GNB4: variants seen among roughly 807,000 people sequenced by gnomAD.
GNB4 encodes the protein guanine nucleotide-binding protein subunit beta-4.
GNB4 carries 28 observed loss-of-function variants against 45.2 expected under a neutral mutation model. The observed-to-expected ratio is 0.62, with a 90% confidence interval of 0.46 to 0.85. The LOEUF is 0.85. Among genes scored for constraint, GNB4 ranks in the 40% least tolerant of loss-of-function variants. The pLI is 0.00. For synonymous variants in GNB4, 132 were observed against 143.7 expected (o/e 0.92, Z 0.58); for missense variants, 321 against 425.4 (o/e 0.75, Z 2.16).
the GNB4 span, among the ~76,000 whole-genome samples, chr3:179,517,307 C>G: frequency 3.7e-3 from 570 of 152,218 alleles, 6 homozygotes; most frequent in African/African-American, 0.013. Context: ...AGAGAACAAC[C>G]CCCCTTTGAC....
intron 2 of GNB4, among the ~76,000 whole-genome samples, chr3:179,424,229 A>C (rs936072109): frequency 6.6e-6 from 1 of 152,218 alleles, no homozygotes; most frequent in African/African-American, 2.4e-5. Flanking sequence ...GTGAGGATTA[A>C]ATGAGATAGG....
chr3:179,471,325 T>C, the GNB4 span, among the ~76,000 whole-genome samples: 2 of 152,216 alleles, frequency 1.3e-5, no homozygotes, highest in Admixed American at 1.3e-4. Flanking sequence ...TCACATTCAC[T>C]CACCACTCAC....
At chr3:179,508,932 G>GTGTATATATATATATATATATATATA in the GNB4 span, among the ~76,000 whole-genome samples, 3 of 102,142 alleles carry the variant, frequency 2.9e-5, no homozygotes, top group African/African-American at 1.4e-4. Context: ...TTCAGCATGT[G>GTGTATATATATATATATATATATATA]TATATATATA....
intron 1 of GNB4, among the ~76,000 whole-genome samples, chr3:179,431,615 A>G (rs1715313145): frequency 6.6e-6 from 1 of 151,336 alleles, no homozygotes; most frequent in Non-Finnish European, 1.5e-5. Flanking sequence ...CAATCTGTTT[A>G]CTTCTTATGG....
chr3:179,495,633 G>A, the GNB4 span, among the ~76,000 whole-genome samples: 1 of 150,524 alleles, frequency 6.6e-6, no homozygotes, highest in African/African-American at 2.4e-5. Flanking sequence ...AAAGGAGGCA[G>A]GGAGGCAGGG....
At chr3:179,470,281 T>A in the GNB4 span, among the ~76,000 whole-genome samples, 1 of 152,110 alleles carries the variant, frequency 6.6e-6, no homozygotes, top group Non-Finnish European at 1.5e-5. Flanking sequence ...CAGGAGGTAT[T>A]CCAGAAGAAA....
At chr3:179,503,101 T>C in the GNB4 span, among the ~76,000 whole-genome samples, 1 of 152,246 alleles carries the variant, frequency 6.6e-6, no homozygotes, top group Admixed American at 6.5e-5. Flanking sequence ...TCTGAGATTA[T>C]GGGGGTGAGC....
intron 1 of GNB4, among the ~76,000 whole-genome samples, chr3:179,439,489 C>T (rs777844815): frequency 7.2e-5 from 11 of 152,200 alleles, no homozygotes; most frequent in Non-Finnish European, 1.3e-4. Context: ...CTCCCTCACA[C>T]TTGGCCCCTG....
intron 8 of GNB4, among the ~76,000 whole-genome samples, chr3:179,406,854 A>G (rs1331835960): frequency 6.6e-6 from 1 of 152,032 alleles, no homozygotes; most frequent in Non-Finnish European, 1.5e-5. Flanking sequence ...GCCTCAAGTG[A>G]TCTGCCTGCC....
the GNB4 span, among the ~76,000 whole-genome samples, chr3:179,504,080 CT>C: frequency 1.3e-5 from 2 of 152,074 alleles, no homozygotes; most frequent in Non-Finnish European, 2.9e-5. Flanking sequence ...TTTATAACTG[CT>C]TTCCTTTAGT....
the GNB4 span, among the ~76,000 whole-genome samples, chr3:179,515,002 G>C: frequency 6.6e-6 from 1 of 151,818 alleles, no homozygotes; most frequent in African/African-American, 2.4e-5. Context: ...AAATAAGTGA[G>C]ATTGACTTTA....
rs1560206155 is a variant in GNB4, at chr3:179,397,185, C to T, written c.*4028G>A. On this transcript the variant is annotated 3_prime_UTR_variant, in exon 10 of 10. Coordinates refer to ENST00000232564, the MANE Select transcript of GNB4 (RefSeq NM_021629.4). ...GTTTAACCAGTTTTCCTAAGTTAAA[C>T]CAAGAATAAGCCACAAGTATTCAAT... 6.6e-6 allele frequency: 1 copy of T among 152,096 alleles called. No homozygotes were observed. The highest frequency in any genetic ancestry group is 6.5e-5 in the Admixed American group (1 of 15,274). The allele number at this position is 152,096 out of a possible 1,614,324, so 9.4% of individuals were successfully genotyped here. A position where few individuals can be genotyped will look rare whatever the true frequency, so the allele number is the denominator to read the frequency against.
the GNB4 span, chr3:179,465,404 C>A: frequency 2.0e-5 from 11 of 552,258 alleles, no homozygotes; most frequent in Middle Eastern, 5.1e-4. Flanking sequence ...GAAACGGAGA[C>A]CATCCTGGCT....
chr3:179,459,360 T>G, the GNB4 span, among the ~76,000 whole-genome samples: 1 of 152,168 alleles, frequency 6.6e-6, no homozygotes, highest in African/African-American at 2.4e-5. Flanking sequence ...GACCTGATGC[T>G]TGGGTGTGTT....
At chr3:179,484,361 A>G in the GNB4 span, among the ~76,000 whole-genome samples, 1 of 152,230 alleles carries the variant, frequency 6.6e-6, no homozygotes. Flanking sequence ...GTCAATTCTT[A>G]TTATTTACAG....
At chr3:179,465,387 A>G in the GNB4 span, 1 of 618,404 alleles carries the variant, frequency 1.6e-6, no homozygotes, top group South Asian at 1.7e-5. Flanking sequence ...GCGAATCACG[A>G]GATCAGGAAA....
At chr3:179,409,828 C>CAAAAAAA (rs200859882) in intron 8 of GNB4, among the ~76,000 whole-genome samples, 1 of 111,378 alleles carries the variant, frequency 9.0e-6, no homozygotes, top group African/African-American at 3.5e-5. Context: ...AACAAAAAAA[C>CAAAAAAA]AAAACAAAAA....
rs575245683 is a variant in GNB4, at chr3:179,404,982, C to T, written c.916+208G>A. ...TACCAAATAAGAAAATATTACAGAC[C>T]TCAGTGTGATTCTTCAGAAAGCAAA... On this transcript the variant is annotated intron_variant, in intron 9 of 9. Coordinates refer to ENST00000232564, the MANE Select transcript of GNB4 (RefSeq NM_021629.4). Among the ~76,000 whole-genome samples the T allele has an allele frequency of 6.2e-4, 95 of 152,294 alleles. 3 individuals are homozygous for T. In the South Asian group the frequency reaches 0.019, roughly 31 times the overall value.
the GNB4 span, among the ~76,000 whole-genome samples, chr3:179,498,749 GTTTT>G: frequency 9.2e-5 from 12 of 130,816 alleles, no homozygotes; most frequent in African/African-American, 3.5e-4. Context: ...TTGAGGTTTG[GTTTT>G]TTTTTTTTTT....
Sources: allele counts gnomAD v4.1 joint callset (sites outside exome capture counted in the v4.1 genomes callset), GRCh38; gene constraint gnomAD v4.1.1; transcripts MANE v1.5; gene names NCBI Gene and HGNC (gene_info 2026-07-23, HGNC 2026-07-21).